RALYL: variants seen among roughly 807,000 people sequenced by gnomAD.
RALYL encodes RNA-binding Raly-like protein.
A neutral mutation model predicts 35.1 loss-of-function variants in RALYL; 29 were observed. The ratio of observed to expected loss-of-function variants is 0.83; its 90% confidence interval spans 0.61 to 1.13. The LOEUF (loss-of-function observed/expected upper bound fraction) is 1.13, where lower values mean the gene tolerates loss of function less well. Among genes scored for constraint, RALYL ranks in the 50% most tolerant of loss-of-function variants. RALYL has a pLI of 0.00. For synonymous variants in RALYL, 120 were observed against 127.6 expected (o/e 0.94, Z 0.40); for missense variants, 359 against 360.4 (o/e 1.00, Z 0.03).
At chr8:84,671,423 G>A (rs1833211645) in intron 2 of RALYL, among the ~76,000 whole-genome samples, 1 of 152,172 alleles carries the variant, frequency 6.6e-6, no homozygotes, top group Admixed American at 6.5e-5. Context: ...GTGGGCGTAG[G>A]GAGCTCTAAC....
At chr8:84,546,258 T>A (rs1053015324) in intron 2 of RALYL, among the ~76,000 whole-genome samples, 1 of 152,128 alleles carries the variant, frequency 6.6e-6, no homozygotes, top group Admixed American at 6.5e-5. Flanking sequence ...CTGGTGTGAC[T>A]ACAGGCACAT....
intron 1 of RALYL, among the ~76,000 whole-genome samples, chr8:84,262,776 T>A (rs982699896): frequency 6.6e-5 from 10 of 152,134 alleles, no homozygotes; most frequent in African/African-American, 2.2e-4. Flanking sequence ...TCAAATTGAC[T>A]AAAATAGATC....
chr8:84,561,045 C>T (rs1265848106), intron 2 of RALYL, among the ~76,000 whole-genome samples: 4 of 152,038 alleles, frequency 2.6e-5, no homozygotes, highest in Non-Finnish European at 5.9e-5. Context: ...TGTCTTCACT[C>T]ATTAAGTTTT....
At chr8:84,459,004 A>G (rs960517997) in intron 1 of RALYL, among the ~76,000 whole-genome samples, 1 of 151,752 alleles carries the variant, frequency 6.6e-6, no homozygotes, top group Non-Finnish European at 1.5e-5. Flanking sequence ...AATTTTGATT[A>G]TATTTTAAAA....
At chr8:84,247,629 A>T (rs1829381218) in intron 1 of RALYL, among the ~76,000 whole-genome samples, 1 of 152,100 alleles carries the variant, frequency 6.6e-6, no homozygotes, top group Non-Finnish European at 1.5e-5. Flanking sequence ...TGTTAAATAA[A>T]TCTGTTTGGT....
chr8:84,855,001 T>C, intron 5 of RALYL, among the ~76,000 whole-genome samples: 1 of 152,178 alleles, frequency 6.6e-6, no homozygotes, highest in South Asian at 2.1e-4. Context: ...GCAAAATTAC[T>C]CAGACTGGAT....
intron 8 of RALYL, among the ~76,000 whole-genome samples, chr8:84,908,100 T>C (rs1846841038): frequency 6.6e-6 from 1 of 152,184 alleles, no homozygotes; most frequent in Admixed American, 6.6e-5. Context: ...TATAATTGCA[T>C]ATATTTAAGG....
intron 3 of RALYL, among the ~76,000 whole-genome samples, chr8:84,783,202 T>G (rs557354124): frequency 4.6e-5 from 7 of 152,294 alleles, no homozygotes; most frequent in South Asian, 2.1e-4. Context: ...GACTAAAAAT[T>G]TTTAATGTTC....
At chr8:84,686,487 C>A (rs113704874) in intron 2 of RALYL, among the ~76,000 whole-genome samples, 2 of 152,274 alleles carry the variant, frequency 1.3e-5, no homozygotes, top group South Asian at 4.1e-4. Flanking sequence ...TCACTGCAAC[C>A]TCCACCTCCC....
chr8:84,882,189 C>T (rs897699097), intron 7 of RALYL, among the ~76,000 whole-genome samples: 2 of 151,740 alleles, frequency 1.3e-5, no homozygotes, highest in African/African-American at 2.4e-5. Context: ...GGCTTCTAAT[C>T]GACCTTTAAA....
intron 1 of RALYL, among the ~76,000 whole-genome samples, chr8:84,469,665 A>C (rs2052381548): frequency 6.6e-6 from 1 of 152,144 alleles, no homozygotes. Flanking sequence ...GGTGGGCTCC[A>C]CCCAGTTCGA....
intron 1 of RALYL, among the ~76,000 whole-genome samples, chr8:84,303,365 C>T (rs1305873331): frequency 1.3e-5 from 2 of 152,100 alleles, no homozygotes; most frequent in Non-Finnish European, 2.9e-5. Flanking sequence ...GTAAATACTA[C>T]AAAAAACATT....
At chr8:84,608,257 G>T (rs919384840) in intron 2 of RALYL, among the ~76,000 whole-genome samples, 1 of 152,108 alleles carries the variant, frequency 6.6e-6, no homozygotes, top group Non-Finnish European at 1.5e-5. Flanking sequence ...AGGGTAAACT[G>T]TTGGTGGATG....
At chr8:84,303,276 T>G (rs1396482679) in intron 1 of RALYL, among the ~76,000 whole-genome samples, 1 of 152,216 alleles carries the variant, frequency 6.6e-6, no homozygotes, top group African/African-American at 2.4e-5. Context: ...TTCGGTGAGT[T>G]GGATAAAATT....
intron 1 of RALYL, among the ~76,000 whole-genome samples, chr8:84,235,761 C>CTTTTTTTTTTTTTTTTT (rs200486763): frequency 1.4e-5 from 2 of 138,214 alleles, no homozygotes; most frequent in Non-Finnish European, 1.5e-5. Context: ...TTTTCTTTTT[C>CTTTTTTTTTTTTTTTTT]TTTTTCTTTT....
At position 84,606,002 on chromosome 8, in the gene RALYL, TCCATTCTGCGAGC is replaced by T. The variant is rs1172000457; in HGVS notation, c.256+76428_256+76440del. Among the ~76,000 whole-genome samples, 8 of 151,800 alleles carry T rather than the reference TCCATTCTGCGAGC, an allele frequency of 5.3e-5. No individual in the cohort carries two copies. In the South Asian group the frequency reaches 1.7e-3, roughly 31 times the overall value. On this transcript the variant is annotated intron_variant, in intron 2 of 8. Coordinates refer to ENST00000521268, the MANE Select transcript of RALYL (RefSeq NM_173848.7). ...CTGTACAAACAGCCACACACTTGGG[TCCATTCTGCGAGC>T]CCCTGGGCCCCATCCTAACTCCTCC...
chr8:84,184,832 C>G (rs6473528), intron 1 of RALYL: 534,890 of 750,028 alleles, frequency 0.71, 192,275 homozygotes, highest in Non-Finnish European at 0.74. Flanking sequence ...GTCGGGCGGG[C>G]TAGAGGGGAC....
intron 4 of RALYL, among the ~76,000 whole-genome samples, chr8:84,812,748 G>A (rs142561118): frequency 5.3e-5 from 8 of 152,240 alleles, no homozygotes; most frequent in African/African-American, 1.9e-4. Context: ...CAAAGGGCAG[G>A]TCTCACTCCC....
Position 84,243,703 on chromosome 8 carries a change from T to C in RALYL, c.-24+59279T>C, listed in dbSNP as rs538990154. ...GCATTTATTCATGTTTTAATTTGCATTGTGCTTTGCTGTGCCGAGTTTCCT... is the reference window on the plus strand; with the variant it reads ...GCATTTATTCATGTTTTAATTTGCACTGTGCTTTGCTGTGCCGAGTTTCCT... On this transcript the variant is annotated intron_variant, in intron 1 of 8. Coordinates refer to ENST00000521268, the MANE Select transcript of RALYL (RefSeq NM_173848.7). Among the ~76,000 whole-genome samples the C allele has an allele frequency of 5.9e-5, 9 of 152,264 alleles. 2 individuals are homozygous for C. In the South Asian group the frequency reaches 1.9e-3, roughly 32 times the overall value.
Sources: allele counts gnomAD v4.1 joint callset (sites outside exome capture counted in the v4.1 genomes callset), GRCh38; gene constraint gnomAD v4.1.1; transcripts MANE v1.5; gene names NCBI Gene and HGNC (gene_info 2026-07-23, HGNC 2026-07-21).